IL1RAPL2: variants seen among roughly 807,000 people sequenced by gnomAD.
The protein encoded by IL1RAPL2 is interleukin 1 receptor accessory protein like 2, also known as X-linked interleukin-1 receptor accessory protein-like 2.
In IL1RAPL2, 3 loss-of-function variants were observed where a neutral mutation model predicts 44.1. The ratio of observed to expected loss-of-function variants is 0.07; its 90% CI spans 0.03 to 0.18. The LOEUF is 0.18. Among genes scored for constraint, IL1RAPL2 ranks in the 10% least tolerant of loss-of-function variants. The probability of loss-of-function intolerance (pLI) is 1.00; values close to 1 mark genes in which losing one functional copy is unlikely to be tolerated. For synonymous variants in IL1RAPL2, 181 were observed against 178.8 expected (o/e 1.01, Z -0.10); for missense variants, 391 against 496.4 (o/e 0.79, Z 2.02).
chrX:104,708,454 G>C (rs987868275), intron 2 of IL1RAPL2, among the ~76,000 whole-genome samples: 6 of 110,681 alleles, frequency 5.4e-5, no homozygotes, highest in African/African-American at 2.0e-4. Context: ...CTTTCTCTCT[G>C]TAATGGGGAG....
chrX:104,579,167 C>A (rs1006522696), intron 1 of IL1RAPL2, among the ~76,000 whole-genome samples: 1 of 111,488 alleles, frequency 9.0e-6, no homozygotes, highest in South Asian at 3.8e-4. Context: ...TATAAAGATA[C>A]ATGTCAAAAA....
chrX:104,615,088 G>A (rs954592158), intron 1 of IL1RAPL2, among the ~76,000 whole-genome samples: 1 of 111,737 alleles, frequency 8.9e-6, no homozygotes, highest in African/African-American at 3.3e-5. Flanking sequence ...TGTGGGCTAT[G>A]TACTCAAGTG....
At chrX:104,638,860 A>G (rs1483000052) in intron 1 of IL1RAPL2, among the ~76,000 whole-genome samples, 1 of 112,335 alleles carries the variant, frequency 8.9e-6, no homozygotes, top group Non-Finnish European at 1.9e-5. Flanking sequence ...TGTTCTGTAA[A>G]TGTATATTAG....
chrX:105,244,942 A>C (rs1439520943), intron 4 of IL1RAPL2, among the ~76,000 whole-genome samples: 2 of 111,555 alleles, frequency 1.8e-5, no homozygotes, highest in East Asian at 5.7e-4. Flanking sequence ...CATTTGTCTT[A>C]TTTGAACACA....
At chrX:104,711,551 T>C (rs1264628227) in intron 2 of IL1RAPL2, among the ~76,000 whole-genome samples, 2 of 110,149 alleles carry the variant, frequency 1.8e-5, no homozygotes, top group African/African-American at 6.6e-5. Context: ...AAGACAAATA[T>C]GGCAAAATGA....
chrX:105,517,976 G>A (rs756702604), intron 6 of IL1RAPL2, among the ~76,000 whole-genome samples: 2 of 111,400 alleles, frequency 1.8e-5, no homozygotes, highest in East Asian at 5.7e-4. Context: ...TAATGGTGAT[G>A]AATAAGGCAG....
chrX:105,615,976 T>C (rs948244525), intron 6 of IL1RAPL2, among the ~76,000 whole-genome samples: 4 of 111,238 alleles, frequency 3.6e-5, no homozygotes, highest in Non-Finnish European at 5.7e-5. Context: ...CCACAAAAAT[T>C]AAAATTAAAT....
intron 6 of IL1RAPL2, among the ~76,000 whole-genome samples, chrX:105,526,590 C>T (rs770177111): frequency 1.8e-5 from 2 of 111,509 alleles, no homozygotes; most frequent in African/African-American, 6.5e-5. Context: ...AAGCACTGTT[C>T]CTGTGTTGGT....
intron 3 of IL1RAPL2, among the ~76,000 whole-genome samples, chrX:105,214,962 G>A (rs1307328374): frequency 8.9e-6 from 1 of 112,516 alleles, no homozygotes; most frequent in Non-Finnish European, 1.9e-5. Context: ...AGCTGAAGCA[G>A]TGTTAAGAGG....
At chrX:105,673,187 G>T (rs1458648075) in intron 6 of IL1RAPL2, among the ~76,000 whole-genome samples, 1 of 111,345 alleles carries the variant, frequency 9.0e-6, no homozygotes, top group African/African-American at 3.3e-5. Context: ...TTAGTTCTGG[G>T]GTACATATGC....
At chrX:104,919,826 C>T (rs1383310576) in intron 2 of IL1RAPL2, among the ~76,000 whole-genome samples, 1 of 110,095 alleles carries the variant, frequency 9.1e-6, no homozygotes, top group African/African-American at 3.3e-5. Context: ...CAGATGTGAG[C>T]CACTGCGCCC....
chrX:105,015,699 C>T (rs966410952), intron 2 of IL1RAPL2, among the ~76,000 whole-genome samples: 1 of 111,392 alleles, frequency 9.0e-6, no homozygotes, highest in East Asian at 2.8e-4. Flanking sequence ...CAGTACTATG[C>T]TATTTTGGTT....
At chrX:105,640,654 G>GTATATATATATATATATATATATATATA (rs768814568) in intron 6 of IL1RAPL2, among the ~76,000 whole-genome samples, 1 of 59,488 alleles carries the variant, frequency 1.7e-5, no homozygotes, top group Non-Finnish European at 3.3e-5. Context: ...GTATGTGTGT[G>GTATATATATATATATATATATATATATA]TATATATATA....
At chrX:105,404,990 T>A (rs752416753) in intron 5 of IL1RAPL2, among the ~76,000 whole-genome samples, 1 of 112,002 alleles carries the variant, frequency 8.9e-6, no homozygotes, top group South Asian at 3.7e-4. Flanking sequence ...TGAAACATTC[T>A]AAGACAGTAG....
intron 2 of IL1RAPL2, among the ~76,000 whole-genome samples, chrX:105,167,403 C>T (rs748307847): frequency 1.8e-5 from 2 of 111,984 alleles, no homozygotes; most frequent in Non-Finnish European, 3.8e-5. Context: ...TTTGTTTTTC[C>T]TTCTTCAGAC....
rs757571716 is a variant in IL1RAPL2, at chrX:105,766,063, A to C, written c.1364-901A>C. Among the ~76,000 whole-genome samples, 4 of 112,641 alleles carry C rather than the reference A, an allele frequency of 3.6e-5. No homozygotes were observed. The East Asian group carries it at 1.1e-3, about 31-fold the overall frequency. On this transcript the variant is annotated intron_variant, in intron 10 of 10. Transcript: ENST00000372582. ...ATAAGACTTTGGGAAGCATGATTCC[A>C]AAGGGATTATTTCATGTGATAAATA... is the stretch of plus-strand genomic sequence containing the variant.
chrX:105,519,737 A>G (rs1353365234), intron 6 of IL1RAPL2, among the ~76,000 whole-genome samples: 1 of 111,531 alleles, frequency 9.0e-6, no homozygotes, highest in Non-Finnish European at 1.9e-5. Context: ...TTTGGTTCTC[A>G]GTGTCCAGGC....
intron 9 of IL1RAPL2, among the ~76,000 whole-genome samples, chrX:105,749,906 T>C (rs959352004): frequency 8.9e-6 from 1 of 111,936 alleles, no homozygotes; most frequent in Non-Finnish European, 1.9e-5. Flanking sequence ...GAAATGTGTA[T>C]AGAATGCCAC....
chrX:105,554,369 T>G (rs1010620293), intron 6 of IL1RAPL2, among the ~76,000 whole-genome samples: 10 of 112,611 alleles, frequency 8.9e-5, no homozygotes, highest in African/African-American at 1.9e-4. Context: ...ATTTATATAA[T>G]TTTGCTTATA....
Sources: gnomAD v4.1 joint callset for allele counts (sites outside exome capture counted in the v4.1 genomes callset) on GRCh38, gnomAD v4.1.1 for gene constraint, MANE v1.5 for transcripts, NCBI Gene and HGNC (gene_info 2026-07-23, HGNC 2026-07-21) for gene names.